The following RIF1 variants were observed in gnomAD, a reference collection of about 807,000 sequenced individuals.
The protein encoded by RIF1 is telomere-associated protein RIF1.
In RIF1, 45 loss-of-function variants were observed where a neutral mutation model predicts 247.1. That is an observed-to-expected ratio of 0.18 (90% CI 0.14 to 0.23). The LOEUF (loss-of-function observed/expected upper bound fraction) is 0.23, where lower values mean the gene tolerates loss of function less well. RIF1 is among the 10% of genes least tolerant of loss of function. RIF1 has a pLI of 1.00. For synonymous variants in RIF1, 1,087 were observed against 978.8 expected, an observed-to-expected ratio of 1.11 and a Z score of -2.06; for missense variants, 2,967 against 2,862.5, an observed-to-expected ratio of 1.04 and a Z score of -0.83.
downstream of RIF1, among the ~76,000 whole-genome samples, chr2:151,508,734 C>T (rs1330532665): frequency 1.3e-5 from 2 of 152,216 alleles, no homozygotes; most frequent in African/African-American, 2.4e-5. Context: ...TGGAGCACTA[C>T]TAAGGCCAGC....
Position 151,494,120 on chromosome 2 carries a change from T to C in RIF1, c.*416-1109T>C, listed in dbSNP as rs377552363. 123 of 1,518,974 alleles carry C rather than the reference T, an allele frequency of 8.1e-5. No homozygotes were observed. The highest frequency in any genetic ancestry group is 1.1e-4 in the Non-Finnish European group (121 of 1,110,732). The allele number at this position is 1,518,974 out of a possible 1,614,324, so 94.1% of individuals were successfully genotyped here. Reference sequence around the variant, plus strand: ...GGAGCAGGCCAAACTGCAAGAGTTATTTTGCAAAATTAAAAGCACTTTTGT... The same window carrying C: ...GGAGCAGGCCAAACTGCAAGAGTTACTTTGCAAAATTAAAAGCACTTTTGT... On this transcript the variant is annotated intron_variant and NMD_transcript_variant, in intron 9 of 13. Coordinates refer to the RIF1 transcript ENST00000454583.
chr2:151,518,404 ACTT>A, the RIF1 span: 55 of 1,608,110 alleles, frequency 3.4e-5, no homozygotes, highest in African/African-American at 4.0e-5. Flanking sequence ...CTCTTCTCAT[ACTT>A]CTTCTTGTAC....
intron 34 of RIF1, among the ~76,000 whole-genome samples, chr2:151,472,377 G>A (rs1303054540): frequency 1.3e-5 from 2 of 152,120 alleles, no homozygotes; most frequent in South Asian, 2.1e-4. Flanking sequence ...TCTCTTGCCT[G>A]ATTGCCCTGG....
Position 151,462,925 on chromosome 2 carries a change from C to A in RIF1, c.3405C>A (p.Val1135=). 6.2e-7 allele frequency: 1 copy of A among 1,611,900 alleles called. No homozygotes were observed. The highest frequency in any genetic ancestry group is 1.1e-5 in the South Asian group (1 of 90,556). ...MDSDIVIPQD[V]TEDCGMAEHL... ...GTGACATTGTCATTCCTCAAGATGT[C>A]ACGGAAGACTGTGGTATGGCTGAAC... Residue 1135 remains valine, a synonymous_variant, in exon 30 of 36, where the codon GTC becomes GTA. Coordinates refer to ENST00000444746, the MANE Select transcript of RIF1 (RefSeq NM_018151.5).
the RIF1 span, among the ~76,000 whole-genome samples, chr2:151,525,562 C>A: frequency 2.6e-3 from 400 of 152,126 alleles, 10 homozygotes; most frequent in East Asian, 0.069. Flanking sequence ...CATATAATAC[C>A]AAGGTTACTA....
chr2:151,525,246 C>T, the RIF1 span: 3 of 1,613,644 alleles, frequency 1.9e-6, no homozygotes, highest in Non-Finnish European at 2.5e-6. Context: ...TTTCCTTTCT[C>T]CTTGACAAAC....
chr2:151,448,519 C>T (rs192230360), intron 20 of RIF1, among the ~76,000 whole-genome samples: 21 of 152,140 alleles, frequency 1.4e-4, no homozygotes, highest in African/African-American at 4.1e-4. Flanking sequence ...TTGTATTTGT[C>T]GGAGTGACTT....
In RIF1 at chr2:151,475,803, A is replaced by G. The variant is rs1265631915; in HGVS notation, c.*732A>G. ...AGACGACAATGTTTTTAATTTATAA[A>G]TTTCATTCTTTGTTAATTGCATGGG... On this transcript the variant is annotated 3_prime_UTR_variant, in exon 36 of 36. Transcript: ENST00000444746. 6.6e-6 allele frequency: 1 copy of G among 152,568 alleles called. No homozygotes were observed. The highest frequency in any genetic ancestry group is 1.5e-5 in the Non-Finnish European group (1 of 68,014). The allele number at this position is 152,568 out of a possible 1,614,324, so 9.5% of individuals were successfully genotyped here.
chr2:151,444,887 C>T (rs1692986842), intron 18 of RIF1, among the ~76,000 whole-genome samples: 1 of 152,182 alleles, frequency 6.6e-6, no homozygotes, highest in Non-Finnish European at 1.5e-5. Flanking sequence ...TTTATTCTCT[C>T]ACCGTTCTGG....
chr2:151,442,673 G>A (rs1452531253), intron 16 of RIF1, among the ~76,000 whole-genome samples: 4 of 150,612 alleles, frequency 2.7e-5, no homozygotes, highest in East Asian at 3.9e-4. Flanking sequence ...ATTCCAGTAA[G>A]TTTTAAATCT....
At chr2:151,449,070 C>T (rs1340282616) in intron 20 of RIF1, among the ~76,000 whole-genome samples, 2 of 152,128 alleles carry the variant, frequency 1.3e-5, no homozygotes, top group Admixed American at 6.5e-5. Flanking sequence ...TTATTTAGGT[C>T]TTCTAAAGTT....
intron 9 of RIF1, chr2:151,493,324 C>G: frequency 1.3e-6 from 2 of 1,497,660 alleles, no homozygotes; most frequent in Non-Finnish European, 1.9e-6. Flanking sequence ...CAAGTTGTTG[C>G]ACTATTTCTT....
At chr2:151,485,891 C>A (rs993833092), downstream of RIF1, 3 of 1,613,956 alleles carry the variant, frequency 1.9e-6, no homozygotes, top group Middle Eastern at 1.7e-4. Flanking sequence ...GACACCTCAT[C>A]TGCATCAGCA....
intron 4 of RIF1, among the ~76,000 whole-genome samples, chr2:151,416,201 A>G (rs971559458): frequency 1.3e-5 from 2 of 152,232 alleles, no homozygotes; most frequent in Admixed American, 6.5e-5. Context: ...TTTTTTATAC[A>G]TGGAAGTGTT....
the RIF1 span, among the ~76,000 whole-genome samples, chr2:151,513,097 T>G: frequency 1.3e-5 from 2 of 152,266 alleles, no homozygotes; most frequent in African/African-American, 2.4e-5. Context: ...CATCAACAGA[T>G]AGTAAGGCAT....
In RIF1 at chr2:151,461,228, G is replaced by A. The variant is rs959935313; in HGVS notation, c.3166G>A (p.Gly1056Arg). Reference sequence around the variant, plus strand: ...TGACTTTGTGTTTATACCTCCAGAAGGAAAAGATGCAAAGGAAAGAATATT... The same window carrying A: ...TGACTTTGTGTTTATACCTCCAGAAAGAAAAGATGCAAAGGAAAGAATATT... ...STDFVFIPPEGKDAKERILTD... is the reference protein window; with the variant it reads ...STDFVFIPPERKDAKERILTD... Residue 1056 changes from glycine (G) to arginine (R), a missense_variant, in exon 27 of 36, where the codon GGA becomes AGA. Around this residue, in one of 7 missense-constraint regions of RIF1, gnomAD observed 2,028 missense variants for 1,825.6 expected, o/e 1.11. Coordinates refer to ENST00000444746, the MANE Select transcript of RIF1 (RefSeq NM_018151.5). 1.9e-6 allele frequency: 3 copies of A among 1,613,308 alleles called. No homozygotes were observed. The highest frequency in any genetic ancestry group is 1.7e-5 in the Admixed American group (1 of 59,938).
In RIF1 at chr2:151,494,183, C is replaced by T. The variant is rs759962661; in HGVS notation, c.*416-1046C>T. Reference sequence around the variant, plus strand: ...TACCGAGCTAATGTTTTCTTGATTGCGTTTGACTCTCTGCATCTCAGGAGT... The same window carrying T: ...TACCGAGCTAATGTTTTCTTGATTGTGTTTGACTCTCTGCATCTCAGGAGT... On this transcript the variant is annotated intron_variant and NMD_transcript_variant, in intron 9 of 13. Transcript: ENST00000454583. 3.2e-5 allele frequency: 52 copies of T among 1,607,222 alleles called. No individual in the cohort carries two copies. Among genetic ancestry groups the T allele is most frequent in the South Asian group, 1.0e-4 (9 of 89,612 alleles).
chr2:151,469,092 T>C (rs935028358), intron 33 of RIF1, among the ~76,000 whole-genome samples: 116 of 152,298 alleles, frequency 7.6e-4, no homozygotes, highest in African/African-American at 2.7e-3. Context: ...ACCACACAGC[T>C]GTTAAGTCAT....
At chr2:151,425,980 G>T (rs1689002031) in intron 8 of RIF1, among the ~76,000 whole-genome samples, 1 of 150,628 alleles carries the variant, frequency 6.6e-6, no homozygotes, top group Admixed American at 6.6e-5. Context: ...CGCCTGGCCT[G>T]TGGTACCCTT....
Sources: allele counts gnomAD v4.1 joint callset (sites outside exome capture counted in the v4.1 genomes callset), GRCh38; gene constraint gnomAD v4.1.1; regional missense constraint gnomAD v4.1.1; transcripts MANE v1.5; gene names NCBI Gene and HGNC (gene_info 2026-07-23, HGNC 2026-07-21).